The following RTCB variants were observed in gnomAD, a reference collection of about 807,000 sequenced individuals.
The protein encoded by RTCB is RNA 2',3'-cyclic phosphate and 5'-OH ligase.
Under a neutral mutation model 58.2 loss-of-function variants are expected in RTCB, and 32 were observed. The observed-to-expected ratio is 0.55, with a 90% CI of 0.41 to 0.74. RTCB has a LOEUF of 0.74. Among genes scored for constraint, RTCB ranks in the 30% least tolerant of loss-of-function variants. RTCB has a pLI of 0.00. For missense variants in RTCB, 523 were observed against 639.0 expected (o/e 0.82, Z 1.96); for synonymous variants, 247 against 218.6 (o/e 1.13, Z -1.15).
intron 11 of RTCB, among the ~76,000 whole-genome samples, chr22:32,390,988 C>A (rs1036160291): frequency 2.0e-5 from 3 of 152,134 alleles, no homozygotes; most frequent in African/African-American, 7.2e-5. Flanking sequence ...GTTGCTAGGA[C>A]TACACCTGGC....
rs1053054807 is a variant in RTCB, at chr22:32,406,671, C to T, written c.331G>A (p.Val111Ile). The change falls in exon 4 of 12, where the codon GTA (valine) becomes ATA (isoleucine). Residue 111 changes from valine to isoleucine, a missense_variant. Val to Ile is a conservative substitution (Grantham distance 29). Coordinates refer to ENST00000216038, the MANE Select transcript of RTCB (RefSeq NM_014306.5). ...TCCACAGTGATCTTACCTGGGGATACTACTGCTTCAGGGTCATTCATATCA... is the reference window on the plus strand; with the variant it reads ...TCCACAGTGATCTTACCTGGGGATATTACTGCTTCAGGGTCATTCATATCA... ...AFDMNDPEAV[V>I]SPGGVGFDIN... 1.2e-6 allele frequency: 2 copies of T among 1,609,418 alleles called. No homozygotes were observed. The highest frequency in any genetic ancestry group is 2.2e-5 in the East Asian group (1 of 44,800).
chr22:32,397,082 C>G (rs192109877), intron 7 of RTCB, among the ~76,000 whole-genome samples: 1 of 152,324 alleles, frequency 6.6e-6, no homozygotes, highest in Non-Finnish European at 1.5e-5. Flanking sequence ...CCTCCCTGCT[C>G]TTTCTACCCA....
At chr22:32,390,387 CTG>C (rs1168399503) in intron 11 of RTCB, among the ~76,000 whole-genome samples, 2 of 151,982 alleles carry the variant, frequency 1.3e-5, no homozygotes, top group African/African-American at 2.4e-5. Context: ...CAAATTTTAA[CTG>C]TAATTATTTC....
At position 32,408,334 on chromosome 22, in the gene RTCB, G is replaced by A; in HGVS notation, c.173-92C>T. 4 of 990,416 alleles carry A rather than the reference G, an allele frequency of 4.0e-6. No homozygotes were observed. The South Asian group carries it at 5.7e-5, about 14-fold the overall frequency. 61.4% of individuals were successfully genotyped at this position (990,416 alleles called of 1,614,324 possible). The stretch of plus-strand genomic sequence containing the variant: ...TTTTTAGACTGTATAACGTGAAGAG[G>A]TAGTCATTAGGGCTACTAAGACAAC... On this transcript the variant is annotated intron_variant, in intron 2 of 11. Transcript: ENST00000216038.
chr22:32,409,827 T>C (rs890094579), intron 1 of RTCB, among the ~76,000 whole-genome samples: 2 of 151,704 alleles, frequency 1.3e-5, no homozygotes, highest in Non-Finnish European at 2.9e-5. Flanking sequence ...ACTTTTGTTT[T>C]TTTTTTTTGA....
intron 7 of RTCB, among the ~76,000 whole-genome samples, chr22:32,397,268 C>G (rs1371029034): frequency 6.6e-6 from 1 of 152,168 alleles, no homozygotes; most frequent in Non-Finnish European, 1.5e-5. Flanking sequence ...CCAAAAGGAC[C>G]TATCCAATAT....
At chr22:32,399,528 A>T (rs1933300292) in intron 6 of RTCB, 75 bp downstream of exon 6, 1 of 1,359,274 alleles carries the variant, frequency 7.4e-7, no homozygotes, top group Non-Finnish European at 1.0e-6. Flanking sequence ...TAAATGTAAG[A>T]TATAGATTTT....
chr22:32,392,189 T>C (rs769116977), intron 11 of RTCB, 51 bp downstream of exon 11: 67 of 1,568,410 alleles, frequency 4.3e-5, no homozygotes, highest in Middle Eastern at 2.0e-4. Context: ...CTGGAACAAA[T>C]TACAAATGGG....
intron 4 of RTCB, 105 bp downstream of exon 4, chr22:32,406,557 A>G (rs1933424886): frequency 1.5e-6 from 1 of 682,756 alleles, no homozygotes; most frequent in Admixed American, 2.1e-5. Flanking sequence ...TCTTGACCTC[A>G]TGATCCACCC....
At position 32,407,540 on chromosome 22, in the gene RTCB, A is replaced by C. The variant is rs968474592; in HGVS notation, c.240+635T>G. On this transcript the variant is annotated intron_variant, in intron 3 of 11. Transcript: ENST00000216038. ...TGCATAGGAAGTGAAACTTACAACC[A>C]AGCGAAACTTACAATGAAACTTACA... 3 of 152,450 alleles carry C rather than the reference A, an allele frequency of 2.0e-5. No homozygotes were observed. In the East Asian group the frequency reaches 5.8e-4, roughly 29 times the overall value. The allele number at this position is 152,450 out of a possible 1,614,324, so 9.4% of individuals were successfully genotyped here.
intron 4 of RTCB, among the ~76,000 whole-genome samples, chr22:32,404,438 T>C (rs564982197): frequency 1.3e-5 from 2 of 152,272 alleles, no homozygotes; most frequent in Admixed American, 1.3e-4. Flanking sequence ...TTTTCTTTTT[T>C]GAGATCATGC....
At chr22:32,393,505 CA>C (rs1161119458) in intron 10 of RTCB, among the ~76,000 whole-genome samples, 1 of 152,132 alleles carries the variant, frequency 6.6e-6, no homozygotes, top group African/African-American at 2.4e-5. Flanking sequence ...CGTGGACCTA[CA>C]CAATAGGAAG....
At chr22:32,395,379 T>G (rs771537888) in intron 8 of RTCB, among the ~76,000 whole-genome samples, 165 bp from the exon 9 acceptor site, 3 of 152,224 alleles carry the variant, frequency 2.0e-5, no homozygotes, top group Non-Finnish European at 4.4e-5. Context: ...ACAAAAGCTG[T>G]CCTTTAGACC....
At chr22:32,411,503 A>C (rs1467492253) in intron 1 of RTCB, among the ~76,000 whole-genome samples, 1 of 152,164 alleles carries the variant, frequency 6.6e-6, no homozygotes, top group Non-Finnish European at 1.5e-5. Context: ...CAGATCCTCG[A>C]GGTCCTTCTG....
chr22:32,403,216 C>T (rs1317951124), intron 4 of RTCB, among the ~76,000 whole-genome samples: 1 of 152,050 alleles, frequency 6.6e-6, no homozygotes, highest in Non-Finnish European at 1.5e-5. Flanking sequence ...AACATCCTGG[C>T]TAACGCAGTG....
chr22:32,411,703 G>A (rs1649352092), intron 1 of RTCB, among the ~76,000 whole-genome samples: 1 of 152,168 alleles, frequency 6.6e-6, no homozygotes, highest in African/African-American at 2.4e-5. Context: ...ATGAACCTGG[G>A]GCTGGCTGTT....
chr22:32,412,203 C>G lies in RTCB; in HGVS notation c.-47G>C, dbSNP rs2145901510. On this transcript the variant is annotated 5_prime_UTR_variant, in exon 1 of 12. Transcript: ENST00000216038. ...AACTCCCGGCTCCGCTTTGAAGAGCCGCTGCCGCGTAGTCCGGCTTCTCAG... is the reference window on the plus strand; with the variant it reads ...AACTCCCGGCTCCGCTTTGAAGAGCGGCTGCCGCGTAGTCCGGCTTCTCAG... 6.7e-7 allele frequency: 1 copy of G among 1,483,030 alleles called. No individual in the cohort carries two copies. Among genetic ancestry groups the G allele is most frequent in the South Asian group, 1.2e-5 (1 of 82,554 alleles). The allele number at this position is 1,483,030 out of a possible 1,614,324, so 91.9% of individuals were successfully genotyped here.
chr22:32,394,985 G>C, intron 9 of RTCB, 41 bp downstream of exon 9: 1 of 1,516,948 alleles, frequency 6.6e-7, no homozygotes, highest in Non-Finnish European at 9.0e-7. Context: ...AATCTAAATC[G>C]TGCCCCCACT....
rs1933223690 is a variant in RTCB at position 32,395,121 on chromosome 22, C to T, written c.1084G>A (p.Val362Met). The T allele has an allele frequency of 6.2e-7, 1 of 1,614,200 alleles. No individual in the cohort carries two copies. The highest frequency in any genetic ancestry group is 8.5e-7 in the Non-Finnish European group (1 of 1,180,034). Residue 362 changes from valine to methionine, a missense_variant, in exon 9 of 12, where the codon GTG becomes ATG. Val to Met is a conservative substitution (Grantham distance 21). This residue lies in a region of RTCB where 248 missense variants were observed against 292.5 expected (regional missense o/e 0.85). Transcript: ENST00000216038. Reference sequence around the variant, plus strand: ...AGTGTCCGTTCCTTTCCGTCCACCACATGCTGCTCCACTTTGGCAATGTTG... The same window carrying T: ...AGTGTCCGTTCCTTTCCGTCCACCATATGCTGCTCCACTTTGGCAATGTTG... ...SHNIAKVEQH[V>M]VDGKERTLLV...
Sources: gnomAD v4.1 joint callset for allele counts (sites outside exome capture counted in the v4.1 genomes callset) on GRCh38, gnomAD v4.1.1 for gene constraint, gnomAD v4.1.1 regional missense constraint, MANE v1.5 for transcripts, NCBI Gene and HGNC (gene_info 2026-07-23, HGNC 2026-07-21) for gene names.